Variants in CIMIP6 observed in about 807,000 individuals in gnomAD.
The protein encoded by CIMIP6 is ciliary microtubule inner protein 6.
chr2:54,360,425 G>A, the CIMIP6 span: 39 of 1,600,054 alleles, frequency 2.4e-5, no homozygotes, highest in African/African-American at 1.2e-4. Context: ...AGAAACAGAC[G>A]TCAGACAGGC....
At chr2:54,372,548 A>G in the CIMIP6 span, among the ~76,000 whole-genome samples, 134,022 of 152,174 alleles carry the variant, frequency 0.88, 59,193 homozygotes, top group Admixed American at 0.91. Context: ...GACTTCTAAG[A>G]AGAGGTCATA....
the CIMIP6 span, among the ~76,000 whole-genome samples, chr2:54,334,059 G>C: frequency 6.6e-6 from 1 of 152,018 alleles, no homozygotes; most frequent in Non-Finnish European, 1.5e-5. Context: ...TCATGGCTTT[G>C]ATTTTAAAAG....
the CIMIP6 span, among the ~76,000 whole-genome samples, chr2:54,365,746 A>G: frequency 6.6e-6 from 1 of 152,204 alleles, no homozygotes; most frequent in Non-Finnish European, 1.5e-5. Context: ...AAGTATACAG[A>G]AAGACCAGAA....
At chr2:54,357,887 A>G in the CIMIP6 span, among the ~76,000 whole-genome samples, 5 of 152,008 alleles carry the variant, frequency 3.3e-5, no homozygotes, top group Non-Finnish European at 5.9e-5. Context: ...GCCCAGCCAC[A>G]TACATATTTT....
chr2:54,354,358 A>G, the CIMIP6 span, among the ~76,000 whole-genome samples: 1 of 152,168 alleles, frequency 6.6e-6, no homozygotes, highest in African/African-American at 2.4e-5. Flanking sequence ...GAAATGTATG[A>G]CATTGCTCAA....
chr2:54,334,516 A>C, the CIMIP6 span, among the ~76,000 whole-genome samples: 1 of 152,226 alleles, frequency 6.6e-6, no homozygotes, highest in Non-Finnish European at 1.5e-5. Flanking sequence ...TACTGCAAAC[A>C]TGATATGGAA....
At chr2:54,345,880 A>T in the CIMIP6 span, among the ~76,000 whole-genome samples, 1 of 152,248 alleles carries the variant, frequency 6.6e-6, no homozygotes, top group African/African-American at 2.4e-5. Context: ...CCATAAAGGG[A>T]TAGAAAAATA....
the CIMIP6 span, among the ~76,000 whole-genome samples, chr2:54,363,495 G>T: frequency 6.6e-6 from 1 of 152,092 alleles, no homozygotes; most frequent in East Asian, 1.9e-4. Context: ...ATGGCCCAAG[G>T]CTTCTTCTAC....
chr2:54,368,190 T>A, the CIMIP6 span, among the ~76,000 whole-genome samples: 3 of 152,232 alleles, frequency 2.0e-5, no homozygotes, highest in Non-Finnish European at 2.9e-5. Flanking sequence ...TTTTGTTTCT[T>A]TACAGTAGTT....
chr2:54,350,779 T>G, the CIMIP6 span, among the ~76,000 whole-genome samples: 1 of 152,306 alleles, frequency 6.6e-6, no homozygotes, highest in Non-Finnish European at 1.5e-5. Flanking sequence ...TCTTTCATTG[T>G]CTGAAAATGT....
chr2:54,360,738 G>A, the CIMIP6 span: 1 of 650,558 alleles, frequency 1.5e-6, no homozygotes, highest in Middle Eastern at 4.3e-4. Context: ...AATAAGAGTG[G>A]TCTCCAATAA....
chr2:54,352,906 A>G, the CIMIP6 span, among the ~76,000 whole-genome samples: 1 of 152,198 alleles, frequency 6.6e-6, no homozygotes, highest in Non-Finnish European at 1.5e-5. Flanking sequence ...TACAGAACCT[A>G]TGGATAGAGA....
At chr2:54,350,700 AT>A in the CIMIP6 span, among the ~76,000 whole-genome samples, 2 of 152,236 alleles carry the variant, frequency 1.3e-5, no homozygotes, top group African/African-American at 4.8e-5. Context: ...GGGGCCACCA[AT>A]TTAACAGACT....
At chr2:54,349,232 T>C in the CIMIP6 span, among the ~76,000 whole-genome samples, 5 of 152,260 alleles carry the variant, frequency 3.3e-5, no homozygotes, top group Non-Finnish European at 5.9e-5. Flanking sequence ...TTCTTTTTAC[T>C]GTATTTTGAA....
At chr2:54,367,977 G>C in the CIMIP6 span, among the ~76,000 whole-genome samples, 1 of 152,016 alleles carries the variant, frequency 6.6e-6, no homozygotes, top group Non-Finnish European at 1.5e-5. Flanking sequence ...TCATTATCTA[G>C]TCAACCTTAC....
the CIMIP6 span, among the ~76,000 whole-genome samples, chr2:54,363,868 G>A: frequency 1.3e-5 from 2 of 152,150 alleles, no homozygotes; most frequent in Admixed American, 6.5e-5. Flanking sequence ...CAGACCTCAT[G>A]GTTGACTGAC....
the CIMIP6 span, among the ~76,000 whole-genome samples, chr2:54,381,527 G>A: frequency 1.3e-5 from 2 of 152,216 alleles, no homozygotes; most frequent in Non-Finnish European, 2.9e-5. Flanking sequence ...ACTGAGAGAT[G>A]AAATAAACTG....
At chr2:54,362,860 T>A in the CIMIP6 span, among the ~76,000 whole-genome samples, 3 of 152,344 alleles carry the variant, frequency 2.0e-5, no homozygotes, top group South Asian at 6.2e-4. Context: ...ATTATCTTTC[T>A]CATGGTACTT....
chr2:54,335,004 A>C, the CIMIP6 span: 4 of 1,599,936 alleles, frequency 2.5e-6, no homozygotes, highest in South Asian at 2.3e-5. Context: ...CATAGATCCC[A>C]AAAAAGGGCC....
Sources: allele counts gnomAD v4.1 joint callset (sites outside exome capture counted in the v4.1 genomes callset), GRCh38; gene constraint gnomAD v4.1.1; transcripts MANE v1.5; gene names NCBI Gene and HGNC (gene_info 2026-07-23, HGNC 2026-07-21).